The following PXK variants were observed in gnomAD, a reference collection of about 807,000 sequenced individuals.
PXK encodes PX domain-containing protein kinase-like protein.
Under a neutral mutation model 84.7 loss-of-function variants are expected in PXK, and 35 were observed. The observed-to-expected ratio is 0.41, with a 90% CI of 0.32 to 0.55. The LOEUF (loss-of-function observed/expected upper bound fraction) is 0.55, where lower values mean the gene tolerates loss of function less well. Ranked by LOEUF, PXK falls within the 20% of genes least tolerant of loss-of-function variation. The pLI is 0.21. For missense variants in PXK, 634 were observed against 699.7 expected (o/e 0.91, Z 1.06); for synonymous variants, 253 against 260.8 (o/e 0.97, Z 0.29).
Position 58,409,298 on chromosome 3 carries a change from T to C in PXK, c.1309-234T>C, listed in dbSNP as rs1454661461. Among the ~76,000 whole-genome samples the C allele has an allele frequency of 6.6e-6, 1 of 152,176 alleles. No homozygotes were observed. The highest frequency in any genetic ancestry group is 1.5e-5 in the Non-Finnish European group (1 of 68,024). ...TGGTCCATGCTGTCTCACCACATTC[T>C]TCTTCTGTAAAAGAGGGAAAGGCAG... On this transcript the variant is annotated intron_variant, in intron 14 of 17. Coordinates refer to ENST00000356151, the MANE Select transcript of PXK (RefSeq NM_017771.5). The surrounding 1 kb of genome is among the most constrained non-coding windows in gnomAD (Gnocchi z 4.2).
chr3:58,385,349 A>G lies in PXK; in HGVS notation c.388+2649A>G, dbSNP rs2098542417. 6.6e-6 allele frequency among the ~76,000 whole-genome samples: 1 copy of G among 152,228 alleles called. No individual in the cohort carries two copies. The highest frequency in any genetic ancestry group is 2.4e-5 in the African/African-American group (1 of 41,466). ...AAATTTCGGAGTTTGTCTAGCCTCA[A>G]GGCTGACATACCAGCCACCTCAGGA... On this transcript the variant is annotated intron_variant, in intron 4 of 17. Coordinates refer to ENST00000356151, the MANE Select transcript of PXK (RefSeq NM_017771.5). The surrounding 1 kb of genome is among the most constrained non-coding windows in gnomAD (Gnocchi z 5.1).
chr3:58,374,299 T>A (rs2098418751), intron 3 of PXK, among the ~76,000 whole-genome samples: 1 of 151,514 alleles, frequency 6.6e-6, no homozygotes. Context: ...GCCTCCCAAG[T>A]TGCTGGAATT....
At position 58,364,828 on chromosome 3, in the gene PXK, A is replaced by G. The variant is rs2108415952; in HGVS notation, c.103-1046A>G. Among the ~76,000 whole-genome samples the G allele has an allele frequency of 6.6e-6, 1 of 152,318 alleles. No individual in the cohort carries two copies. ...TCTAAGTTGTCAAATTGATATATGT[A>G]GAATCGTTCACAGCATTCCCTTATC... On this transcript the variant is annotated intron_variant, in intron 1 of 17. Coordinates refer to ENST00000356151, the MANE Select transcript of PXK (RefSeq NM_017771.5). The surrounding 1 kb of genome is among the most constrained non-coding windows in gnomAD (Gnocchi z 4.3).
chr3:58,343,943 C>G (rs1468188263), intron 1 of PXK, among the ~76,000 whole-genome samples: 1 of 152,162 alleles, frequency 6.6e-6, no homozygotes, highest in African/African-American at 2.4e-5. Flanking sequence ...ATATCTGCCT[C>G]AAAGGTACAC....
In PXK at chr3:58,385,262, T is replaced by A. The variant is rs1227089875; in HGVS notation, c.388+2562T>A. ...CTATTCAGAGGGCACAATCCCGGAA[T>A]TAAACAATAGGTGATGGATGCTGTT... On this transcript the variant is annotated intron_variant, in intron 4 of 17. Coordinates refer to ENST00000356151, the MANE Select transcript of PXK (RefSeq NM_017771.5). This position sits in a 1 kb window ranked among gnomAD's most constrained non-coding sequence, Gnocchi z 5.1. Among the ~76,000 whole-genome samples, 1 of 152,190 alleles carries A rather than the reference T, an allele frequency of 6.6e-6. No homozygotes were observed. The highest frequency in any genetic ancestry group is 6.5e-5 in the Admixed American group (1 of 15,276).
chr3:58,365,933 CTTTTTT>C lies in PXK; in HGVS notation c.153+19_153+24del. On this transcript the variant is annotated intron_variant, in intron 2 of 17. Transcript: ENST00000356151. ...TGGAAAACAGCTGGCAGGTAAGCATCTTTTTTTTTTTTTTTGTCAATTAGAAAAATA... is the reference window on the plus strand; with the variant it reads ...TGGAAAACAGCTGGCAGGTAAGCATCTTTTTTTTTGTCAATTAGAAAAATA... 1 of 1,394,000 alleles carries C rather than the reference CTTTTTT, an allele frequency of 7.2e-7. No homozygotes were observed. The highest frequency in any genetic ancestry group is 9.6e-7 in the Non-Finnish European group (1 of 1,043,676). 86.4% of individuals were successfully genotyped at this position (1,394,000 alleles called of 1,614,324 possible). A position where few individuals can be genotyped will look rare whatever the true frequency, so the allele number is the denominator to read the frequency against.
chr3:58,412,211 T>G lies in PXK; in HGVS notation c.1466-690T>G, dbSNP rs2060306469. On this transcript the variant is annotated intron_variant, in intron 16 of 17. Coordinates refer to ENST00000356151, the MANE Select transcript of PXK (RefSeq NM_017771.5). This position sits in a 1 kb window ranked among gnomAD's most constrained non-coding sequence, Gnocchi z 6.2. ...CCTCTGCTCATTGGGCTACTTCATGTCAGCTCAGGAAGATATTTTCTAGGG... is the reference window on the plus strand; with the variant it reads ...CCTCTGCTCATTGGGCTACTTCATGGCAGCTCAGGAAGATATTTTCTAGGG... Among the ~76,000 whole-genome samples the G allele has an allele frequency of 6.6e-6, 1 of 152,136 alleles. No individual in the cohort carries two copies. The highest frequency in any genetic ancestry group is 1.5e-5 in the Non-Finnish European group (1 of 68,014).
Position 58,370,398 on chromosome 3 carries a change from C to CT in PXK, c.201+922dup, listed in dbSNP as rs1427180419. Among the ~76,000 whole-genome samples, 1 of 152,188 alleles carries CT rather than the reference C, an allele frequency of 6.6e-6. No homozygotes were observed. Among genetic ancestry groups the CT allele is most frequent in the Non-Finnish European group, 1.5e-5 (1 of 68,038 alleles). ...GAAGTCCTGCCAATACCCGCCATGT[C>CT]TTCACTTGGCAGGCTGGTCTTCAAG... On this transcript the variant is annotated intron_variant, in intron 3 of 17. Coordinates refer to ENST00000356151, the MANE Select transcript of PXK (RefSeq NM_017771.5). The surrounding 1 kb of genome is among the most constrained non-coding windows in gnomAD (Gnocchi z 4.2).
At chr3:58,345,409 C>G (rs1213123409) in intron 1 of PXK, among the ~76,000 whole-genome samples, 2 of 152,042 alleles carry the variant, frequency 1.3e-5, no homozygotes, top group East Asian at 3.8e-4. Flanking sequence ...GGGATCTGAA[C>G]TATATATATT....
At chr3:58,422,429 T>G in intron 17 of PXK, 1 of 985,408 alleles carries the variant, frequency 1.0e-6, no homozygotes. Context: ...TGAGGCCACA[T>G]CAGGGAGATC....
intron 1 of PXK, among the ~76,000 whole-genome samples, chr3:58,334,114 A>G (rs1192106880): frequency 6.6e-6 from 1 of 152,208 alleles, no homozygotes; most frequent in Admixed American, 6.5e-5. Flanking sequence ...GCTAAAGCTC[A>G]CAATAGCCTT....
chr3:58,389,688 A>C lies in PXK; in HGVS notation c.389-894A>C, dbSNP rs1273419928. 4.4e-4 allele frequency among the ~76,000 whole-genome samples: 67 copies of C among 151,212 alleles called. No individual in the cohort carries two copies. The Middle Eastern group carries it at 0.01, about 23-fold the overall frequency. Reference sequence around the variant, plus strand: ...AAAACAAAAACAAACAAAAAAAAAAACCACACGCACCAGAAATTAGCCAGG... The same window carrying C: ...AAAACAAAAACAAACAAAAAAAAAACCCACACGCACCAGAAATTAGCCAGG... On this transcript the variant is annotated intron_variant, in intron 4 of 17. Coordinates refer to ENST00000356151, the MANE Select transcript of PXK (RefSeq NM_017771.5).
intron 1 of PXK, among the ~76,000 whole-genome samples, chr3:58,354,920 A>G (rs1407597777): frequency 6.6e-6 from 1 of 151,816 alleles, no homozygotes; most frequent in Admixed American, 6.6e-5. Context: ...GGAGTTCGAG[A>G]CCATCCTGGC....
chr3:58,386,788 G>C (rs1675421800), intron 4 of PXK, among the ~76,000 whole-genome samples: 1 of 152,188 alleles, frequency 6.6e-6, no homozygotes, highest in Non-Finnish European at 1.5e-5. Flanking sequence ...TTTCCTCTCA[G>C]TGGGCCCACA....
rs1223006320 is a variant in PXK, at chr3:58,398,693, G to A, written c.1103-606G>A. 6.6e-6 allele frequency among the ~76,000 whole-genome samples: 1 copy of A among 152,192 alleles called. No homozygotes were observed. The highest frequency in any genetic ancestry group is 2.4e-5 in the African/African-American group (1 of 41,452). On this transcript the variant is annotated intron_variant, in intron 11 of 17. Coordinates refer to ENST00000356151, the MANE Select transcript of PXK (RefSeq NM_017771.5). The surrounding 1 kb of genome is among the most constrained non-coding windows in gnomAD (Gnocchi z 4.5). ...GCTGGAGCAGAGAGAGGGGAGGGCA[G>A]GGTGGCTCTTGGACCCCTGTGCCTT...
intron 12 of PXK, among the ~76,000 whole-genome samples, chr3:58,403,158 C>A (rs1378239919): frequency 6.6e-6 from 1 of 152,018 alleles, no homozygotes; most frequent in Non-Finnish European, 1.5e-5. Flanking sequence ...GCACGCACCA[C>A]CACACCCGGC....
intron 1 of PXK, among the ~76,000 whole-genome samples, chr3:58,335,277 A>T (rs1411948146): frequency 6.6e-6 from 1 of 152,190 alleles, no homozygotes; most frequent in Non-Finnish European, 1.5e-5. Flanking sequence ...GGAGACCCAT[A>T]GAGGCAGATG....
rs557635043 is a variant in PXK, at chr3:58,364,034, T to C, written c.103-1840T>C. ...TGATTAGCCTGTTAATATGGCAGATTACATCGATCAGTTTCTGAATGGTGA... is the reference window on the plus strand; with the variant it reads ...TGATTAGCCTGTTAATATGGCAGATCACATCGATCAGTTTCTGAATGGTGA... On this transcript the variant is annotated intron_variant, in intron 1 of 17. Coordinates refer to ENST00000356151, the MANE Select transcript of PXK (RefSeq NM_017771.5). The surrounding 1 kb of genome is among the most constrained non-coding windows in gnomAD (Gnocchi z 4.3). 7.9e-5 allele frequency among the ~76,000 whole-genome samples: 12 copies of C among 152,348 alleles called. No individual in the cohort carries two copies. The highest frequency in any genetic ancestry group is 2.9e-5 in the Non-Finnish European group (2 of 68,038).
At chr3:58,415,756 A>T (rs1051922656) in intron 17 of PXK, among the ~76,000 whole-genome samples, 1 of 152,252 alleles carries the variant, frequency 6.6e-6, no homozygotes, top group Non-Finnish European at 1.5e-5. Context: ...AGGACCAGGC[A>T]GCAAAATGCT....
Sources: gnomAD v4.1 joint callset for allele counts (sites outside exome capture counted in the v4.1 genomes callset) on GRCh38, gnomAD v4.1.1 for gene constraint, Gnocchi (gnomAD v3.1) non-coding constraint, MANE v1.5 for transcripts, NCBI Gene and HGNC (gene_info 2026-07-23, HGNC 2026-07-21) for gene names.